STK17B: variants seen among roughly 807,000 people sequenced by gnomAD.
The protein encoded by STK17B is serine/threonine kinase 17b.
In STK17B, 21 loss-of-function variants were observed where a neutral mutation model predicts 42.0. The observed-to-expected ratio is 0.50, with a 90% CI of 0.35 to 0.72. The LOEUF (loss-of-function observed/expected upper bound fraction) is 0.72. STK17B is among the 30% of genes least tolerant of loss of function. The pLI, the probability that STK17B is intolerant of heterozygous loss-of-function variation, is 0.00. For missense variants in STK17B, 349 were observed against 446.0 expected (o/e 0.78, Z 1.96); for synonymous variants, 143 against 148.4 (o/e 0.96, Z 0.26).
chr2:196,164,928 A>C (rs866143544), intron 1 of STK17B, among the ~76,000 whole-genome samples: 1 of 152,222 alleles, frequency 6.6e-6, no homozygotes, highest in Non-Finnish European at 1.5e-5. Flanking sequence ...TCTAGGAGTC[A>C]AAGGGTTGTA....
intron 5 of STK17B, among the ~76,000 whole-genome samples, chr2:196,143,072 G>C (rs1266355220): frequency 6.6e-6 from 1 of 152,060 alleles, no homozygotes; most frequent in East Asian, 1.9e-4. Context: ...ATATTCTAAA[G>C]CAGCAGCAAT....
Position 196,160,976 on chromosome 2 carries a change from T to C in STK17B, c.122+2286A>G, listed in dbSNP as rs200693359. 2.2e-4 allele frequency among the ~76,000 whole-genome samples: 34 copies of C among 152,296 alleles called. No homozygotes were observed. The East Asian group carries it at 5.0e-3, about 22-fold the overall frequency. On this transcript the variant is annotated intron_variant, in intron 2 of 7. Transcript: ENST00000263955. Reference sequence around the variant, plus strand: ...AAAAATACTTTATAGATTTTTTAGCTCCTATAATGTCCCCAATTTTGAAAA... The same window carrying C: ...AAAAATACTTTATAGATTTTTTAGCCCCTATAATGTCCCCAATTTTGAAAA...
upstream of STK17B, among the ~76,000 whole-genome samples, chr2:196,175,375 T>TA (rs1225838446): frequency 3.3e-5 from 5 of 152,202 alleles, no homozygotes; most frequent in Admixed American, 6.5e-5. Flanking sequence ...TCTGTAATCC[T>TA]AGCACTTTGG....
At position 196,134,896 on chromosome 2, in the gene STK17B, A is replaced by G. The variant is rs1301993505; in HGVS notation, c.*2551T>C. 6.6e-6 allele frequency: 1 copy of G among 152,248 alleles called. No individual in the cohort carries two copies. The highest frequency in any genetic ancestry group is 2.4e-5 in the African/African-American group (1 of 41,470). 9.4% of individuals were successfully genotyped at this position (152,248 alleles called of 1,614,324 possible). On this transcript the variant is annotated 3_prime_UTR_variant, in exon 8 of 8. Transcript: ENST00000263955. ...GGAGAAAAAGAGTAAGAATTGAATCATTTGCTAAAAAGCTCTTAAATGATT... is the reference window on the plus strand; with the variant it reads ...GGAGAAAAAGAGTAAGAATTGAATCGTTTGCTAAAAAGCTCTTAAATGATT...
At chr2:196,144,530 A>G (rs1699544162) in intron 4 of STK17B, among the ~76,000 whole-genome samples, 1 of 135,216 alleles carries the variant, frequency 7.4e-6, no homozygotes, top group African/African-American at 2.7e-5. Flanking sequence ...AAAAAAGAAC[A>G]ACAGAAAGGT....
chr2:196,161,669 C>T (rs530865555), intron 2 of STK17B, among the ~76,000 whole-genome samples: 2 of 151,924 alleles, frequency 1.3e-5, no homozygotes, highest in South Asian at 2.1e-4. Flanking sequence ...CAGGCACACG[C>T]CACCATGCCT....
intron 1 of STK17B, among the ~76,000 whole-genome samples, chr2:196,167,790 T>C (rs775834904): frequency 1.3e-5 from 2 of 152,210 alleles, no homozygotes; most frequent in Non-Finnish European, 2.9e-5. Flanking sequence ...GATTTATCAC[T>C]GATAAGTCTA....
At chr2:196,172,760 CATCT>C (rs1298397430), upstream of STK17B, among the ~76,000 whole-genome samples, 2 of 152,152 alleles carry the variant, frequency 1.3e-5, no homozygotes, top group African/African-American at 4.8e-5. Flanking sequence ...ATATTGCTTC[CATCT>C]ATCTAATTTC....
At chr2:196,174,520 C>T (rs1285048644), upstream of STK17B, 1 of 152,320 alleles carries the variant, frequency 6.6e-6, no homozygotes, top group African/African-American at 2.4e-5. Flanking sequence ...GCAAAACAAG[C>T]TCTACTACCT....
chr2:196,139,624 G>T lies in STK17B; in HGVS notation c.832C>A (p.Pro278Thr). ...TTTAAACAAATTATTACTTACTCTGGATTTTTTACTAAAAGGCTCTGAATA... is the reference window on the plus strand; with the variant it reads ...TTTAAACAAATTATTACTTACTCTGTATTTTTTACTAAAAGGCTCTGAATA... ...DFIQSLLVKN[P>T]EKRPTAEICL... The change falls in exon 7 of 8, where the codon CCA becomes ACA. Residue 278 changes from proline (P) to threonine (T), a missense_variant. This residue lies in a region of STK17B where 256 missense variants were observed against 347.7 expected (regional missense o/e 0.74). Coordinates refer to ENST00000263955, the MANE Select transcript of STK17B (RefSeq NM_004226.4). 7.3e-7 allele frequency: 1 copy of T among 1,368,860 alleles called. No homozygotes were observed. The highest frequency in any genetic ancestry group is 9.5e-7 in the Non-Finnish European group (1 of 1,052,364). 84.8% of individuals were successfully genotyped at this position (1,368,860 alleles called of 1,614,324 possible).
Position 196,145,982 on chromosome 2 carries a change from T to G in STK17B, c.409A>C (p.Arg137=). Residue 137 remains arginine (R), a synonymous_variant, in exon 4 of 8, where the codon AGA becomes CGA. Transcript: ENST00000263955. ...CCTTCAAGTATTTGTTTAATGAGTC[T>G]GATAACATCATTTTCAGAAACCATT... is the stretch of plus-strand genomic sequence containing the variant. ...AEMVSENDVI[R]LIKQILEGVY... 2 of 1,608,858 alleles carry G rather than the reference T, an allele frequency of 1.2e-6. No homozygotes were observed. Among genetic ancestry groups the G allele is most frequent in the Non-Finnish European group, 1.7e-6 (2 of 1,178,652 alleles).
chr2:196,165,404 T>C (rs1458717238), intron 1 of STK17B, among the ~76,000 whole-genome samples: 1 of 152,202 alleles, frequency 6.6e-6, no homozygotes, highest in African/African-American at 2.4e-5. Context: ...TATATAATAT[T>C]TCAAATGTAA....
chr2:196,145,279 G>C (rs1030651555), intron 4 of STK17B, among the ~76,000 whole-genome samples: 1 of 151,846 alleles, frequency 6.6e-6, no homozygotes, highest in Non-Finnish European at 1.5e-5. Context: ...GAAGCCAAAG[G>C]GTCATGCAAG....
chr2:196,156,213 A>C (rs910668085), intron 3 of STK17B: 2 of 378,274 alleles, frequency 5.3e-6, no homozygotes, highest in African/African-American at 4.1e-5. Flanking sequence ...ACATTCCTCA[A>C]ATGTTGTATT....
In STK17B at chr2:196,136,183, G is replaced by T. The variant is rs7581626; in HGVS notation, c.*1264C>A. 6.6e-6 allele frequency: 1 copy of T among 152,054 alleles called. No individual in the cohort carries two copies. The highest frequency in any genetic ancestry group is 1.9e-4 in the East Asian group (1 of 5,202). The allele number at this position is 152,054 out of a possible 1,614,324, so 9.4% of individuals were successfully genotyped here. On this transcript the variant is annotated 3_prime_UTR_variant, in exon 8 of 8. Coordinates refer to ENST00000263955, the MANE Select transcript of STK17B (RefSeq NM_004226.4). ...TCACAGTTATCGTAACATGATAACA[G>T]ACCAATATAACGGTCATCAGGTGAA...
At chr2:196,144,169 C>G (rs1452135850) in intron 4 of STK17B, among the ~76,000 whole-genome samples, 2 of 139,496 alleles carry the variant, frequency 1.4e-5, no homozygotes, top group African/African-American at 2.7e-5. Context: ...GAGACCCTCT[C>G]TTAAATAAAA....
rs1460112130 is a variant in STK17B at position 196,143,598 on chromosome 2, C to T, written c.569G>A (p.Cys190Tyr). ...FGMSRKIGHA[C>Y]ELREIMGTPE... ...TGTTCCCATGATTTCCCGAAGTTCA[C>T]ACGCATGCCCTATTTTTCGAGACAT... Residue 190 changes from cysteine to tyrosine, a missense_variant, in exon 5 of 8, where the codon TGT becomes TAT. By Grantham distance (194) the Cys-to-Tyr change is radical (BLOSUM62 -2). Coordinates refer to ENST00000263955, the MANE Select transcript of STK17B (RefSeq NM_004226.4). 6.2e-7 allele frequency: 1 copy of T among 1,608,504 alleles called. No individual in the cohort carries two copies. Among genetic ancestry groups the T allele is most frequent in the Non-Finnish European group, 8.5e-7 (1 of 1,177,614 alleles).
chr2:196,162,511 C>A (rs1365057577), intron 2 of STK17B, among the ~76,000 whole-genome samples: 1 of 150,910 alleles, frequency 6.6e-6, no homozygotes, highest in South Asian at 2.1e-4. Context: ...AGGCACTTTA[C>A]AAATATTAAC....
rs1410624854 is a variant in STK17B at position 196,133,911 on chromosome 2, A to G, written c.*3536T>C. ...TTTATAAAATTATAAATTGATAATA[A>G]TCCCCCCAAACTGAAGTGAAATACT... On this transcript the variant is annotated 3_prime_UTR_variant, in exon 8 of 8. Transcript: ENST00000263955. The G allele has an allele frequency of 6.6e-6, 1 of 152,226 alleles. No homozygotes were observed. The allele number at this position is 152,226 out of a possible 1,614,324, so 9.4% of individuals were successfully genotyped here.
Sources: gnomAD v4.1 joint callset for allele counts (sites outside exome capture counted in the v4.1 genomes callset) on GRCh38, gnomAD v4.1.1 for gene constraint, gnomAD v4.1.1 regional missense constraint, MANE v1.5 for transcripts, NCBI Gene and HGNC (gene_info 2026-07-23, HGNC 2026-07-21) for gene names.